The following DDC variants were observed in gnomAD, a reference collection of about 807,000 sequenced individuals.
DDC encodes the protein aromatic-L-amino-acid decarboxylase.
DDC carries 43 observed loss-of-function variants against 60.0 expected under a neutral mutation model. That is an observed-to-expected ratio of 0.72 (90% CI 0.56 to 0.92). The LOEUF is 0.92. Ranked by LOEUF, DDC falls within the 40% of genes least tolerant of loss-of-function variation. The pLI, the probability that DDC is intolerant of heterozygous loss-of-function variation, is 0.00. For synonymous variants in DDC, 232 were observed against 234.6 expected, an observed-to-expected ratio of 0.99 and a Z score of 0.10; for missense variants, 573 against 620.2, an observed-to-expected ratio of 0.92 and a Z score of 0.81.
At chr7:50,476,004 G>A (rs996361267) in intron 11 of DDC, among the ~76,000 whole-genome samples, 1 of 152,082 alleles carries the variant, frequency 6.6e-6, no homozygotes, top group Non-Finnish European at 1.5e-5. Flanking sequence ...GTCATCTCTT[G>A]ATGGCAGAAG....
intron 12 of DDC, 85 bp from the exon 13 acceptor site, chr7:50,467,400 C>T (rs2042423122): frequency 9.0e-7 from 1 of 1,112,882 alleles, no homozygotes; most frequent in Admixed American, 1.7e-5. Flanking sequence ...TTAGACTGCC[C>T]ATGTATAATT....
chr7:50,491,363 A>C (rs1053440398), intron 9 of DDC, among the ~76,000 whole-genome samples: 4 of 150,836 alleles, frequency 2.7e-5, no homozygotes, highest in East Asian at 3.9e-4. Context: ...TTTTTCCTTC[A>C]TGGGTCATGA....
intron 4 of DDC, among the ~76,000 whole-genome samples, chr7:50,531,275 C>T (rs1228650531): frequency 1.3e-5 from 2 of 152,178 alleles, no homozygotes; most frequent in Non-Finnish European, 2.9e-5. Flanking sequence ...CTTACTTACA[C>T]TTCTCCTATG....
chr7:50,504,036 T>C lies in DDC; in HGVS notation c.738A>G (p.Thr246=). Reference sequence around the variant, plus strand: ...AGAGATTGTCAAAGGAGCAGCATGTTGTGGTCCCCAGGGTGGCAACCATCT... The same window carrying C: ...AGAGATTGTCAAAGGAGCAGCATGTCGTGGTCCCCAGGGTGGCAACCATCT... The part of the protein sequence containing the change: ...PFFMVATLGT[T]TCCSFDNLLE... The change falls in exon 7 of 15, where the codon ACA becomes ACG. Residue 246 remains threonine (T), a synonymous_variant. Coordinates refer to ENST00000444124, the MANE Select transcript of DDC (RefSeq NM_001082971.2). 3.1e-6 allele frequency: 5 copies of C among 1,613,964 alleles called. No homozygotes were observed. Among genetic ancestry groups the C allele is most frequent in the Non-Finnish European group, 4.2e-6 (5 of 1,179,800 alleles).
Position 50,539,948 on chromosome 7 carries a change from C to G in DDC, c.282G>C (p.Leu94=). The G allele has an allele frequency of 6.2e-7, 1 of 1,614,026 alleles. No individual in the cohort carries two copies. Among genetic ancestry groups the G allele is most frequent in the Non-Finnish European group, 8.5e-7 (1 of 1,179,986 alleles). ...AGCCGATGCAGCCAATGGCCCCGCA[C>G]AGCATGTCCGCAAGCATGGCCGGGT... ...SSYPAMLADM[L]CGAIGCIGFS... The change falls in exon 3 of 15, where the codon CTG becomes CTC. Residue 94 remains leucine (L), a synonymous_variant. Transcript: ENST00000444124.
Position 50,537,316 on chromosome 7 carries a change from T to G in DDC, c.435+544A>C, listed in dbSNP as rs537677059. On this transcript the variant is annotated intron_variant, in intron 4 of 14. Coordinates refer to ENST00000444124, the MANE Select transcript of DDC (RefSeq NM_001082971.2). ...CTGGTCACATCTGCCACCTGTGCTGTCCTCCGAGGAATATCACGGGCTCTG... is the reference window on the plus strand; with the variant it reads ...CTGGTCACATCTGCCACCTGTGCTGGCCTCCGAGGAATATCACGGGCTCTG... 9.8e-5 allele frequency among the ~76,000 whole-genome samples: 15 copies of G among 152,358 alleles called. No individual in the cohort carries two copies. In the East Asian group the frequency reaches 2.9e-3, roughly 29 times the overall value.
chr7:50,546,614 G>A (rs2044815399), intron 1 of DDC, among the ~76,000 whole-genome samples: 1 of 152,210 alleles, frequency 6.6e-6, no homozygotes, highest in African/African-American at 2.4e-5. Context: ...AGGTAAACCT[G>A]CTAGAATGTG....
intron 14 of DDC, among the ~76,000 whole-genome samples, chr7:50,460,872 A>G (rs2042257830): frequency 6.6e-6 from 1 of 151,546 alleles, no homozygotes; most frequent in Non-Finnish European, 1.5e-5. Flanking sequence ...AAGAGTCATC[A>G]CCACTCCCTA....
intron 12 of DDC, among the ~76,000 whole-genome samples, chr7:50,468,931 A>ATTTTT (rs36005269): frequency 1.2e-5 from 1 of 86,158 alleles, no homozygotes; most frequent in African/African-American, 4.4e-5. Flanking sequence ...CAGTTTCCTC[A>ATTTTT]TTTTTTTTTT....
intron 8 of DDC, among the ~76,000 whole-genome samples, chr7:50,497,739 A>G (rs1021984767): frequency 6.6e-6 from 1 of 152,148 alleles, no homozygotes; most frequent in African/African-American, 2.4e-5. Flanking sequence ...TGGAAGCTCC[A>G]TTTACCCCCA....
At chr7:50,463,822 A>G (rs2042337866) in intron 13 of DDC, among the ~76,000 whole-genome samples, 1 of 152,226 alleles carries the variant, frequency 6.6e-6, no homozygotes, top group African/African-American at 2.4e-5. Flanking sequence ...GAAGAGTCTC[A>G]GCAACCTAGA....
intron 2 of DDC, 176 bp from the exon 3 acceptor site, chr7:50,540,204 A>C (rs1443569161): frequency 7.6e-6 from 5 of 654,094 alleles, no homozygotes; most frequent in Non-Finnish European, 1.4e-5. Flanking sequence ...ATTTCGGAGC[A>C]TTTACACATC....
intron 2 of DDC, among the ~76,000 whole-genome samples, chr7:50,540,806 C>A (rs1343964071): frequency 6.6e-6 from 1 of 152,230 alleles, no homozygotes; most frequent in African/African-American, 2.4e-5. Flanking sequence ...GTAGTGACAG[C>A]TCCAGGTGGT....
intron 4 of DDC, among the ~76,000 whole-genome samples, chr7:50,530,082 C>T (rs2044155623): frequency 6.6e-6 from 1 of 152,050 alleles, no homozygotes; most frequent in South Asian, 2.1e-4. Flanking sequence ...CATACCGAAA[C>T]CCTGTATCTA....
chr7:50,518,656 C>T (rs147047861), intron 6 of DDC, among the ~76,000 whole-genome samples: 254 of 152,284 alleles, frequency 1.7e-3, no homozygotes, highest in African/African-American at 5.4e-3. Flanking sequence ...CCCTTTTCAA[C>T]TAATGTTGCT....
intron 2 of DDC, chr7:50,543,220 C>T (rs3779078): frequency 0.22 from 33,808 of 155,824 alleles, 3,841 homozygotes; most frequent in East Asian, 0.39. Flanking sequence ...CCACTTTAAC[C>T]AACAGGCTTT....
intron 6 of DDC, among the ~76,000 whole-genome samples, chr7:50,507,078 C>T (rs1007927294): frequency 6.6e-6 from 1 of 152,140 alleles, no homozygotes; most frequent in African/African-American, 2.4e-5. Flanking sequence ...TTATCTTTAT[C>T]CTTAAGAGAA....
At chr7:50,515,311 C>A (rs1378791638) in intron 6 of DDC, among the ~76,000 whole-genome samples, 1 of 152,156 alleles carries the variant, frequency 6.6e-6, no homozygotes, top group Non-Finnish European at 1.5e-5. Flanking sequence ...CTGAACTAAG[C>A]ATCATATATG....
chr7:50,524,805 C>A (rs1418552387), intron 6 of DDC, among the ~76,000 whole-genome samples: 4 of 152,184 alleles, frequency 2.6e-5, no homozygotes, highest in Non-Finnish European at 5.9e-5. Flanking sequence ...TACCATAGGA[C>A]CCTTAATTGC....
Sources: allele counts gnomAD v4.1 joint callset (sites outside exome capture counted in the v4.1 genomes callset), GRCh38; gene constraint gnomAD v4.1.1; transcripts MANE v1.5; gene names NCBI Gene and HGNC (gene_info 2026-07-23, HGNC 2026-07-21).